The following CACNA2D3 variants were observed in gnomAD, a reference collection of about 807,000 sequenced individuals.
CACNA2D3 encodes calcium voltage-gated channel auxiliary subunit alpha2delta 3, also known as voltage-dependent calcium channel subunit alpha-2/delta-3.
Under a neutral mutation model 160.6 loss-of-function variants are expected in CACNA2D3, and 60 were observed. That is an observed-to-expected ratio of 0.37 (90% CI 0.30 to 0.46). The LOEUF (loss-of-function observed/expected upper bound fraction) is 0.46. CACNA2D3 is among the 20% of genes least tolerant of loss of function. The pLI is 1.00. For missense variants in CACNA2D3, 1,205 were observed against 1,365.0 expected (o/e 0.88, Z 1.85); for synonymous variants, 558 against 492.9 (o/e 1.13, Z -1.75).
Position 54,905,587 on chromosome 3 carries a change from T to C in CACNA2D3, c.2449+5719T>C, listed in dbSNP as rs114074659. Among the ~76,000 whole-genome samples the C allele has an allele frequency of 9.1e-3, 1,379 of 152,294 alleles. 20 individuals carry two copies. Among genetic ancestry groups the C allele is most frequent in the African/African-American group, 0.031 (1,296 of 41,564 alleles). ...GTTTTATTTTGGCAAAAATGAAAAC[T>C]TACTGATTAAACCAGTAGTTTCCAA... On this transcript the variant is annotated intron_variant, in intron 27 of 37. Transcript: ENST00000474759.
chr3:54,980,310 CCA>C (rs1164488820), intron 29 of CACNA2D3, among the ~76,000 whole-genome samples: 4 of 152,234 alleles, frequency 2.6e-5, no homozygotes, highest in Non-Finnish European at 5.9e-5. Flanking sequence ...TGCTTTTATT[CCA>C]GTGTTTAATT....
At chr3:54,916,876 C>T (rs1009252861) in intron 27 of CACNA2D3, among the ~76,000 whole-genome samples, 4 of 152,162 alleles carry the variant, frequency 2.6e-5, no homozygotes, top group Admixed American at 2.6e-4. Context: ...TCCTTTGAAC[C>T]AACTCCAGTT....
intron 27 of CACNA2D3, chr3:54,925,103 A>C: frequency 6.2e-7 from 1 of 1,614,040 alleles, no homozygotes; most frequent in Non-Finnish European, 8.5e-7. Flanking sequence ...TTTCGGCCAG[A>C]CCCTGCTGGC....
At chr3:54,198,145 A>T (rs1411453406) in intron 2 of CACNA2D3, among the ~76,000 whole-genome samples, 1 of 152,232 alleles carries the variant, frequency 6.6e-6, no homozygotes, top group Admixed American at 6.5e-5. Context: ...TTACTTGTGC[A>T]TAACAAGGAC....
At chr3:54,148,843 G>A (rs1027474957) in intron 2 of CACNA2D3, among the ~76,000 whole-genome samples, 1 of 151,972 alleles carries the variant, frequency 6.6e-6, no homozygotes, top group Non-Finnish European at 1.5e-5. Flanking sequence ...CGGGTGTGGT[G>A]GTGGGCATCT....
At chr3:54,385,471 G>A (rs2106657748) in intron 3 of CACNA2D3, among the ~76,000 whole-genome samples, 1 of 152,168 alleles carries the variant, frequency 6.6e-6, no homozygotes, top group East Asian at 1.9e-4. Context: ...ACCAGTGAAG[G>A]AAAAAACCCT....
At chr3:54,836,228 TTTTTTTTTTTTTTG>T (rs1168368792) in intron 14 of CACNA2D3, among the ~76,000 whole-genome samples, 1 of 143,772 alleles carries the variant, frequency 7.0e-6, no homozygotes, top group African/African-American at 2.6e-5. Context: ...TTTTTTTTCT[TTTTTTTTTTTTTTG>T]TTTTTGTTTT....
chr3:54,602,079 G>C (rs376215220), intron 9 of CACNA2D3, among the ~76,000 whole-genome samples: 1 of 152,272 alleles, frequency 6.6e-6, no homozygotes, highest in African/African-American at 2.4e-5. Flanking sequence ...CACAGTGCCT[G>C]GTTCCTGTCC....
chr3:54,134,064 G>C (rs1442530673), intron 2 of CACNA2D3, among the ~76,000 whole-genome samples: 1 of 152,164 alleles, frequency 6.6e-6, no homozygotes. Flanking sequence ...GTCTTTCCTA[G>C]ATATTTATTG....
chr3:54,399,957 G>A (rs1699418328), intron 4 of CACNA2D3, among the ~76,000 whole-genome samples: 2 of 117,466 alleles, frequency 1.7e-5, no homozygotes, highest in Admixed American at 1.8e-4. Context: ...GCGAGATTCC[G>A]TGGGCGTAGG....
chr3:54,819,738 C>A (rs1703544424), intron 14 of CACNA2D3, among the ~76,000 whole-genome samples: 1 of 151,984 alleles, frequency 6.6e-6, no homozygotes, highest in African/African-American at 2.4e-5. Flanking sequence ...CCAGCTAATC[C>A]AGAGGCTGGG....
At chr3:54,381,426 C>T (rs1482787099) in intron 3 of CACNA2D3, among the ~76,000 whole-genome samples, 4 of 152,138 alleles carry the variant, frequency 2.6e-5, no homozygotes, top group African/African-American at 4.8e-5. Flanking sequence ...CGCCTCTCAC[C>T]GCACAATTCT....
At chr3:54,952,357 T>G (rs985960677) in intron 27 of CACNA2D3, among the ~76,000 whole-genome samples, 3 of 152,168 alleles carry the variant, frequency 2.0e-5, no homozygotes, top group African/African-American at 7.2e-5. Flanking sequence ...TTGTCTTATT[T>G]CTTCAGAGGG....
intron 5 of CACNA2D3, among the ~76,000 whole-genome samples, chr3:54,530,299 C>T (rs559114468): frequency 7.2e-5 from 11 of 152,236 alleles, no homozygotes; most frequent in East Asian, 5.8e-4. Flanking sequence ...TCTCCTGGCC[C>T]GGCACTTGGT....
At chr3:54,991,291 C>T (rs1007467107) in intron 31 of CACNA2D3, among the ~76,000 whole-genome samples, 3 of 150,220 alleles carry the variant, frequency 2.0e-5, no homozygotes, top group African/African-American at 7.4e-5. Flanking sequence ...GGTACAATCT[C>T]AGCTCACTGC....
chr3:54,473,349 G>A lies in CACNA2D3; in HGVS notation c.382-30143G>A, dbSNP rs563577622. 1.8e-4 allele frequency among the ~76,000 whole-genome samples: 28 copies of A among 152,212 alleles called. 1 individual carries two copies. The South Asian group carries it at 5.8e-3, about 32-fold the overall frequency. ...AGCCATATGCAGAAAACTGAAACTGGATCCCTTCCTTACACCTTATAAAAA... is the reference window on the plus strand; with the variant it reads ...AGCCATATGCAGAAAACTGAAACTGAATCCCTTCCTTACACCTTATAAAAA... On this transcript the variant is annotated intron_variant, in intron 4 of 37. Transcript: ENST00000474759.
chr3:54,582,743 A>G (rs1298897468), intron 9 of CACNA2D3, among the ~76,000 whole-genome samples: 2 of 152,226 alleles, frequency 1.3e-5, no homozygotes, highest in Admixed American at 6.5e-5. Context: ...TGTGAGGCAC[A>G]TTCTATATGC....
intron 27 of CACNA2D3, among the ~76,000 whole-genome samples, chr3:54,907,538 T>C (rs936236645): frequency 6.6e-6 from 1 of 152,194 alleles, no homozygotes; most frequent in Non-Finnish European, 1.5e-5. Context: ...AGCTGCTAAA[T>C]TATTATTGTC....
chr3:54,228,970 G>A (rs1701721738), intron 2 of CACNA2D3, among the ~76,000 whole-genome samples: 1 of 152,180 alleles, frequency 6.6e-6, no homozygotes, highest in Admixed American at 6.5e-5. Flanking sequence ...ATACCTCCAG[G>A]GCGCTGGGTA....
Sources: gnomAD v4.1 joint callset for allele counts (sites outside exome capture counted in the v4.1 genomes callset) on GRCh38, gnomAD v4.1.1 for gene constraint, MANE v1.5 for transcripts, NCBI Gene and HGNC (gene_info 2026-07-23, HGNC 2026-07-21) for gene names.